The following NEIL1 variants were observed in gnomAD, a reference collection of about 807,000 sequenced individuals.
NEIL1 encodes the protein endonuclease 8-like 1.
NEIL1 carries 31 observed loss-of-function variants against 44.2 expected under a neutral mutation model. The ratio of observed to expected loss-of-function variants is 0.70; its 90% confidence interval spans 0.53 to 0.95. NEIL1 has a LOEUF of 0.95. NEIL1 is among the 40% of genes least tolerant of loss of function. The pLI, the probability that NEIL1 is intolerant of heterozygous loss-of-function variation, is 0.00. For synonymous variants in NEIL1, 254 were observed against 209.7 expected, an observed-to-expected ratio of 1.21 and a Z score of -1.83; for missense variants, 549 against 515.5, an observed-to-expected ratio of 1.07 and a Z score of -0.63.
intron 2 of NEIL1, 142 bp from the exon 3 acceptor site, chr15:75,351,968 AT>A: frequency 1.4e-6 from 1 of 718,650 alleles, no homozygotes; most frequent in Non-Finnish European, 2.4e-6. Context: ...CATTTAACAG[AT>A]AGGAAAACGG....
chr15:75,356,551 AAGGGCAGAGAGGTGTCT>A lies in NEIL1; in HGVS notation c.*1523_*1539del. ...AGGTTGCTGGGGTTTGGGCTCAGGGAAGGGCAGAGAGGTGTCTAGGGCTGCAGGAAGGCCCCACCGTC... is the reference window on the plus strand; with the variant it reads ...AGGTTGCTGGGGTTTGGGCTCAGGGAAGGGCTGCAGGAAGGCCCCACCGTC... On this transcript the variant is annotated 3_prime_UTR_variant, in exon 10 of 10. Coordinates refer to ENST00000355059, the MANE Select transcript of NEIL1 (RefSeq NM_024608.4). This position sits in a 1 kb window ranked among gnomAD's most constrained non-coding sequence, Gnocchi z 5.8. 1.9e-6 allele frequency: 3 copies of A among 1,548,250 alleles called. No homozygotes were observed. Among genetic ancestry groups the A allele is most frequent in the Non-Finnish European group, 2.6e-6 (3 of 1,144,496 alleles).
intron 1 of NEIL1, chr15:75,348,284 C>T (rs144855540): frequency 4.7e-4 from 462 of 976,206 alleles, no homozygotes; most frequent in African/African-American, 4.6e-3. Flanking sequence ...CCGATTCGGC[C>T]GCTCCCGCCG....
At chr15:75,348,237 C>A in intron 1 of NEIL1, 1 of 850,434 alleles carries the variant, frequency 1.2e-6, no homozygotes, top group Non-Finnish European at 1.4e-6. Context: ...GATGTCCGGT[C>A]CGTGGGGCAG....
rs5745918 is a variant in NEIL1 at position 75,352,781 on chromosome 15, AT to A, written c.718+82del. ...GGGCACTTGTCCCTCTCTGGACCTG[AT>A]TCACCGATTTGGAAGTTTGTAGCCC... On this transcript the variant is annotated intron_variant, in intron 5 of 9. Coordinates refer to ENST00000355059, the MANE Select transcript of NEIL1 (RefSeq NM_024608.4). 175 of 1,157,386 alleles carry A rather than the reference AT, an allele frequency of 1.5e-4. 2 individuals carry two copies. The South Asian group carries it at 2.2e-3, about 15-fold the overall frequency. The allele number at this position is 1,157,386 out of a possible 1,614,324, so 71.7% of individuals were successfully genotyped here.
chr15:75,356,321 CGACCG>C lies in NEIL1; in HGVS notation c.*1288_*1292del. The C allele has an allele frequency of 1.2e-6, 2 of 1,612,326 alleles. No homozygotes were observed. Among genetic ancestry groups the C allele is most frequent in the Non-Finnish European group, 1.7e-6 (2 of 1,179,354 alleles). ...CTTGCCTGCTTGACGGTCTCCAATA[CGACCG>C]CGGGTGAAGACACGGAAAACGCACT... On this transcript the variant is annotated 3_prime_UTR_variant, in exon 10 of 10. Coordinates refer to ENST00000355059, the MANE Select transcript of NEIL1 (RefSeq NM_024608.4). The surrounding 1 kb of genome is among the most constrained non-coding windows in gnomAD (Gnocchi z 5.8).
At chr15:75,354,191 G>C in intron 6 of NEIL1, 59 bp from the exon 7 acceptor site, 1 of 1,596,380 alleles carries the variant, frequency 6.3e-7, no homozygotes, top group South Asian at 1.1e-5. Context: ...GCCTCTCCAA[G>C]GAATACCGCC....
At position 75,352,633 on chromosome 15, in the gene NEIL1, G is replaced by A. The variant is rs534821044; in HGVS notation, c.650G>A (p.Arg217Lys). 6.8e-6 allele frequency: 11 copies of A among 1,613,474 alleles called. No individual in the cohort carries two copies. The East Asian group carries it at 1.6e-4, about 23-fold the overall frequency. Reference protein sequence around the residue: ...SPELTLSQKIRTKLQNPDLLE... With the variant: ...SPELTLSQKIKTKLQNPDLLE... The stretch of plus-strand genomic sequence containing the variant: ...GAGCTGACCCTGAGCCAGAAGATAA[G>A]GACCAAGCTGCAGAATCCAGACCTG... The change falls in exon 5 of 10, where the codon AGG (arginine) becomes AAG (lysine). Residue 217 changes from arginine (R) to lysine (K), a missense_variant. Coordinates refer to ENST00000355059, the MANE Select transcript of NEIL1 (RefSeq NM_024608.4).
Position 75,354,475 on chromosome 15 carries a change from C to A in NEIL1, c.919C>A (p.Pro307Thr). ...GAAATCCAAGGCCACACAGCTGAGT[C>A]CTGAGGACAGAGTGGAGGTATGGCT... ...KKKSKATQLS[P>T]EDRVEDALPP... Residue 307 changes from proline (P) to threonine (T), a missense_variant, in exon 8 of 10, where the codon CCT (proline) becomes ACT (threonine). Pro to Thr is a conservative substitution (Grantham distance 38). Coordinates refer to ENST00000355059, the MANE Select transcript of NEIL1 (RefSeq NM_024608.4). The A allele has an allele frequency of 6.2e-7, 1 of 1,614,212 alleles. No individual in the cohort carries two copies. The highest frequency in any genetic ancestry group is 8.5e-7 in the Non-Finnish European group (1 of 1,180,022).
At position 75,353,038 on chromosome 15, in the gene NEIL1, G is replaced by A. The variant is rs1453587671; in HGVS notation, c.718+337G>A. Reference sequence around the variant, plus strand: ...CACCTGTAATCTCAGCTACTCGGGAGGATGAGGCAGGAAAATCGCTTAAAC... The same window carrying A: ...CACCTGTAATCTCAGCTACTCGGGAAGATGAGGCAGGAAAATCGCTTAAAC... On this transcript the variant is annotated intron_variant, in intron 5 of 9. Transcript: ENST00000355059. 6.7e-5 allele frequency: 16 copies of A among 238,428 alleles called. No individual in the cohort carries two copies. In the East Asian group the frequency reaches 1.8e-3, roughly 26 times the overall value. The allele number at this position is 238,428 out of a possible 1,614,324, so 14.8% of individuals were successfully genotyped here. A position where few individuals can be genotyped will look rare whatever the true frequency, so the allele number is the denominator to read the frequency against.
intron 8 of NEIL1, 64 bp from the exon 9 acceptor site, chr15:75,354,589 G>A (rs2072203288): frequency 6.2e-7 from 1 of 1,612,304 alleles, no homozygotes; most frequent in African/African-American, 1.3e-5. Context: ...GGGGAGTGGT[G>A]GGCCCTAACC....
intron 2 of NEIL1, chr15:75,351,293 T>TTTTTTTA (rs2071868571): frequency 2.3e-6 from 1 of 443,410 alleles, no homozygotes; most frequent in Admixed American, 2.5e-5. Flanking sequence ...TTTTTTTTTT[T>TTTTTTTA]GAGACAGGGT....
At chr15:75,349,855 A>C (rs925189951) in intron 2 of NEIL1, among the ~76,000 whole-genome samples, 1 of 152,174 alleles carries the variant, frequency 6.6e-6, no homozygotes, top group Non-Finnish European at 1.5e-5. Flanking sequence ...AGGAGAGAGG[A>C]GAGCCAAGAG....
rs150070963 is a variant in NEIL1 at position 75,356,028 on chromosome 15, C to G, written c.*994C>G. 5 of 1,613,762 alleles carry G rather than the reference C, an allele frequency of 3.1e-6. No individual in the cohort carries two copies. Among genetic ancestry groups the G allele is most frequent in the South Asian group, 1.1e-5 (1 of 91,048 alleles). On this transcript the variant is annotated 3_prime_UTR_variant, in exon 10 of 10. Transcript: ENST00000355059. This position sits in a 1 kb window ranked among gnomAD's most constrained non-coding sequence, Gnocchi z 5.8. ...GCAGGGTCTGGTCGCTCCAAGAGAT[C>G]GCAGCTGGAGAACAGGAGGGGCCAT...
At chr15:75,352,464 CAGGTGTCCCCAGCTT>C (rs2071992956) in intron 4 of NEIL1, 77 bp downstream of exon 4, 9 of 1,579,496 alleles carry the variant, frequency 5.7e-6, no homozygotes, top group Non-Finnish European at 7.8e-6. Context: ...TGGGTGGGGT[CAGGTGTCCCCAGCTT>C]AGCTCAACAA....
rs1172845990 is a variant in NEIL1, at chr15:75,356,323, A to ACCG, written c.*1291_*1293dup. On this transcript the variant is annotated 3_prime_UTR_variant, in exon 10 of 10. Coordinates refer to ENST00000355059, the MANE Select transcript of NEIL1 (RefSeq NM_024608.4). This position sits in a 1 kb window ranked among gnomAD's most constrained non-coding sequence, Gnocchi z 5.8. ...TGCCTGCTTGACGGTCTCCAATACG[A>ACCG]CCGCGGGTGAAGACACGGAAAACGC... 1 of 1,611,254 alleles carries ACCG rather than the reference A, an allele frequency of 6.2e-7. No individual in the cohort carries two copies. The highest frequency in any genetic ancestry group is 1.1e-5 in the South Asian group (1 of 90,762).
Position 75,357,068 on chromosome 15 carries a change from TCA to T in NEIL1, c.*2035_*2036del, listed in dbSNP as rs2141324502. 2 of 603,526 alleles carry T rather than the reference TCA, an allele frequency of 3.3e-6. No homozygotes were observed. Among genetic ancestry groups the T allele is most frequent in the Admixed American group, 2.9e-5 (1 of 34,056 alleles). The allele number at this position is 603,526 out of a possible 1,614,324, so 37.4% of individuals were successfully genotyped here. A position where few individuals can be genotyped will look rare whatever the true frequency, so the allele number is the denominator to read the frequency against. On this transcript the variant is annotated 3_prime_UTR_variant, in exon 10 of 10. Coordinates refer to ENST00000355059, the MANE Select transcript of NEIL1 (RefSeq NM_024608.4). ...GCATGCCACCCAACCTGCCTAAGCC[TCA>T]GTTTCCTTATCTGTGAAACGGGAAT...
At position 75,356,400 on chromosome 15, in the gene NEIL1, G is replaced by T. The variant is rs781613009; in HGVS notation, c.*1366G>T. 1 of 1,610,768 alleles carries T rather than the reference G, an allele frequency of 6.2e-7. No homozygotes were observed. Among genetic ancestry groups the T allele is most frequent in the Admixed American group, 1.7e-5 (1 of 59,476 alleles). On this transcript the variant is annotated 3_prime_UTR_variant, in exon 10 of 10. Transcript: ENST00000355059. The surrounding 1 kb of genome is among the most constrained non-coding windows in gnomAD (Gnocchi z 5.8). Reference sequence around the variant, plus strand: ...TGGGGGCTGGCAGAGCCAACAGGGGGAAGTTTAGGCTGTAGGCAGCTTGGA... The same window carrying T: ...TGGGGGCTGGCAGAGCCAACAGGGGTAAGTTTAGGCTGTAGGCAGCTTGGA...
At chr15:75,352,899 G>A (rs1390427071) in intron 5 of NEIL1, 198 bp downstream of exon 5, 2 of 543,678 alleles carry the variant, frequency 3.7e-6, no homozygotes, top group African/African-American at 1.9e-5. Context: ...CAGCACTTCG[G>A]GAGGCCGAGT....
At chr15:75,349,695 C>T in intron 2 of NEIL1, 1 of 231,524 alleles carries the variant, frequency 4.3e-6, no homozygotes, top group South Asian at 6.9e-5. Context: ...ATGCCTGTAA[C>T]CCCAGCTACT....
Sources: gnomAD v4.1 joint callset for allele counts (sites outside exome capture counted in the v4.1 genomes callset) on GRCh38, gnomAD v4.1.1 for gene constraint, Gnocchi (gnomAD v3.1) non-coding constraint, MANE v1.5 for transcripts, NCBI Gene and HGNC (gene_info 2026-07-23, HGNC 2026-07-21) for gene names.